CCDC146: variants seen among roughly 807,000 people sequenced by gnomAD.
The protein encoded by CCDC146 is coiled-coil domain-containing protein 146.
Under a neutral mutation model 119.3 loss-of-function variants are expected in CCDC146, and 92 were observed. That is an observed-to-expected ratio of 0.77 (90% CI 0.65 to 0.92). The LOEUF (loss-of-function observed/expected upper bound fraction) is 0.92, where lower values mean the gene tolerates loss of function less well. Ranked by LOEUF, CCDC146 falls within the 40% of genes least tolerant of loss-of-function variation. CCDC146 has a pLI of 0.00. For missense variants in CCDC146, 1,000 were observed against 1,103.0 expected (o/e 0.91, Z 1.32); for synonymous variants, 372 against 371.8 (o/e 1.00, Z -0.01).
chr7:77,286,966 G>A (rs368321741), intron 16 of CCDC146, 40 bp downstream of exon 16: 108 of 1,607,850 alleles, frequency 6.7e-5, no homozygotes, highest in Non-Finnish European at 8.5e-5. Context: ...TTAGCTCCTC[G>A]TTGATGTAGT....
At chr7:77,229,908 G>A (rs917609572) in intron 2 of CCDC146, among the ~76,000 whole-genome samples, 5 of 151,894 alleles carry the variant, frequency 3.3e-5, no homozygotes, top group East Asian at 3.9e-4. Context: ...GAATATTTCC[G>A]TGACACCAAA....
chr7:77,145,718 T>A (rs1026150481), intron 1 of CCDC146, among the ~76,000 whole-genome samples: 1 of 152,126 alleles, frequency 6.6e-6, no homozygotes, highest in African/African-American at 2.4e-5. Context: ...TTCCATGTAG[T>A]TGAGCGGTTT....
intron 1 of CCDC146, among the ~76,000 whole-genome samples, chr7:77,149,596 T>C (rs1161819903): frequency 6.6e-6 from 1 of 151,850 alleles, no homozygotes; most frequent in Non-Finnish European, 1.5e-5. Context: ...TGAAACCCCA[T>C]CTCTACTAAA....
intron 4 of CCDC146, chr7:77,246,329 C>G (rs1716115145): frequency 6.6e-6 from 1 of 152,264 alleles, no homozygotes; most frequent in African/African-American, 2.4e-5. Context: ...GTTTCTACTT[C>G]TGTGGTGAAT....
intron 8 of CCDC146, among the ~76,000 whole-genome samples, chr7:77,261,757 G>A (rs1044625942): frequency 1.6e-4 from 24 of 152,182 alleles, no homozygotes; most frequent in South Asian, 8.3e-4. Flanking sequence ...GATTACAGGC[G>A]TGAGCCACCG....
intron 2 of CCDC146, among the ~76,000 whole-genome samples, chr7:77,225,347 G>A (rs758744260): frequency 3.3e-5 from 5 of 151,866 alleles, no homozygotes; most frequent in Admixed American, 1.3e-4. Context: ...CCAGAAGTTC[G>A]AGACCAGCCT....
chr7:77,156,968 A>G (rs1455815716), intron 1 of CCDC146, among the ~76,000 whole-genome samples: 1 of 146,878 alleles, frequency 6.8e-6, no homozygotes. Context: ...TTATACCACA[A>G]TTTTTGTAAC....
chr7:77,136,280 A>C (rs562574596), intron 1 of CCDC146, among the ~76,000 whole-genome samples: 1 of 152,232 alleles, frequency 6.6e-6, no homozygotes, highest in Non-Finnish European at 1.5e-5. Flanking sequence ...AATAAGAATT[A>C]GAGCAGATAT....
chr7:77,252,536 G>A (rs188045656), intron 4 of CCDC146, among the ~76,000 whole-genome samples: 20 of 152,296 alleles, frequency 1.3e-4, no homozygotes, highest in Admixed American at 1.3e-3. Context: ...TTTCAGATGG[G>A]AAGATAATGA....
chr7:77,223,527 C>G (rs1285699013), intron 2 of CCDC146, among the ~76,000 whole-genome samples: 5 of 152,226 alleles, frequency 3.3e-5, no homozygotes, highest in South Asian at 4.1e-4. Context: ...GCCAACCACA[C>G]AGAAGGCAGA....
chr7:77,214,124 T>G (rs1792255008), intron 2 of CCDC146, among the ~76,000 whole-genome samples: 1 of 152,144 alleles, frequency 6.6e-6, no homozygotes, highest in African/African-American at 2.4e-5. Flanking sequence ...CTTGCCAACA[T>G]ATTATATTTT....
intron 1 of CCDC146, among the ~76,000 whole-genome samples, chr7:77,163,867 T>C (rs1206223083): frequency 6.8e-6 from 1 of 146,524 alleles, no homozygotes; most frequent in Non-Finnish European, 1.5e-5. Flanking sequence ...TTTCTTTTTT[T>C]TTTTTTTTTT....
chr7:77,287,042 C>G (rs891746072), intron 16 of CCDC146, 116 bp downstream of exon 16: 12 of 1,091,074 alleles, frequency 1.1e-5, no homozygotes, highest in Non-Finnish European at 1.6e-5. Context: ...ATTCTAGTCA[C>G]TAATATAGTC....
chr7:77,173,840 A>G (rs1323921886), intron 2 of CCDC146, among the ~76,000 whole-genome samples: 1 of 152,214 alleles, frequency 6.6e-6, no homozygotes, highest in Non-Finnish European at 1.5e-5. Context: ...TATAACATAT[A>G]GAGTAAACCT....
At chr7:77,185,149 C>A (rs1791644721) in intron 2 of CCDC146, among the ~76,000 whole-genome samples, 1 of 151,836 alleles carries the variant, frequency 6.6e-6, no homozygotes, top group South Asian at 2.1e-4. Flanking sequence ...CAGCATTAAT[C>A]ATAGCAAACA....
chr7:77,265,888 C>A (rs568836053), intron 9 of CCDC146, among the ~76,000 whole-genome samples: 9 of 152,304 alleles, frequency 5.9e-5, no homozygotes, highest in Admixed American at 2.6e-4. Flanking sequence ...ATTTGCCTGC[C>A]ATAGGCAGAA....
At chr7:77,266,888 G>A (rs1793414878) in intron 9 of CCDC146, among the ~76,000 whole-genome samples, 1 of 152,086 alleles carries the variant, frequency 6.6e-6, no homozygotes, top group South Asian at 2.1e-4. Context: ...AAGGAACCAA[G>A]AGGAATCTTA....
intron 2 of CCDC146, among the ~76,000 whole-genome samples, chr7:77,220,816 T>TACTCAACAGA (rs1370823306): frequency 6.6e-6 from 1 of 152,164 alleles, no homozygotes; most frequent in Non-Finnish European, 1.5e-5. Flanking sequence ...TAGGCTGAGT[T>TACTCAACAGA]GTGTGTTGTT....
intron 2 of CCDC146, among the ~76,000 whole-genome samples, chr7:77,218,634 G>A (rs1256073125): frequency 6.8e-6 from 1 of 147,294 alleles, no homozygotes; most frequent in African/African-American, 2.5e-5. Context: ...TTTTTTGGCA[G>A]GGTCTCACTC....
Sources: gnomAD v4.1 joint callset for allele counts (sites outside exome capture counted in the v4.1 genomes callset) on GRCh38, gnomAD v4.1.1 for gene constraint, MANE v1.5 for transcripts, NCBI Gene and HGNC (gene_info 2026-07-23, HGNC 2026-07-21) for gene names.